Variants in HMBOX1 observed in about 807,000 individuals in gnomAD.
HMBOX1 encodes the protein homeobox containing 1, also known as homeobox-containing protein 1.
HMBOX1 carries 14 observed loss-of-function variants against 54.5 expected under a neutral mutation model. That is an observed-to-expected ratio of 0.26 (90% confidence interval 0.17 to 0.40). The LOEUF (loss-of-function observed/expected upper bound fraction) is 0.40, where lower values mean the gene tolerates loss of function less well. HMBOX1 is among the 10% of genes least tolerant of loss of function. HMBOX1 has a pLI of 1.00. For missense variants in HMBOX1, 332 were observed against 514.4 expected, an observed-to-expected ratio of 0.65 and a Z score of 3.43; for synonymous variants, 160 against 181.0, an observed-to-expected ratio of 0.88 and a Z score of 0.93.
intron 5 of HMBOX1, among the ~76,000 whole-genome samples, chr8:29,014,554 T>C (rs1441034026): frequency 6.6e-6 from 1 of 152,180 alleles, no homozygotes; most frequent in African/African-American, 2.4e-5. Flanking sequence ...TACTGCTACA[T>C]TGAAAAAGAA....
intron 6 of HMBOX1, among the ~76,000 whole-genome samples, chr8:29,035,838 A>G (rs1303797554): frequency 6.6e-6 from 1 of 152,240 alleles, no homozygotes. Flanking sequence ...GTTTTTCTTT[A>G]AGTTGGTTCG....
chr8:29,000,676 G>C (rs1832511419), intron 4 of HMBOX1, among the ~76,000 whole-genome samples: 1 of 152,216 alleles, frequency 6.6e-6, no homozygotes, highest in Non-Finnish European at 1.5e-5. Context: ...AAGATTTCCA[G>C]GTAATTGCCA....
rs117907170 is a variant in HMBOX1 at position 28,920,611 on chromosome 8, A to T, written c.-58+29933A>T. 4.6e-3 allele frequency among the ~76,000 whole-genome samples: 704 copies of T among 152,322 alleles called. 5 individuals are homozygous for T. Among genetic ancestry groups the T allele is most frequent in the African/African-American group, 0.016 (655 of 41,568 alleles). ...ATTAATGGGCATTTATTGAGTACCTACCATGCTGGAGACTGTGGCTAGGTT... is the reference window on the plus strand; with the variant it reads ...ATTAATGGGCATTTATTGAGTACCTTCCATGCTGGAGACTGTGGCTAGGTT... On this transcript the variant is annotated intron_variant, in intron 1 of 9. Coordinates refer to ENST00000287701, the MANE Select transcript of HMBOX1 (RefSeq NM_001135726.3).
intron 6 of HMBOX1, among the ~76,000 whole-genome samples, chr8:29,022,144 G>A (rs1225472570): frequency 6.6e-6 from 1 of 152,202 alleles, no homozygotes; most frequent in Non-Finnish European, 1.5e-5. Flanking sequence ...CTTAGGGCCA[G>A]TGGGTCACAC....
intron 2 of HMBOX1, among the ~76,000 whole-genome samples, chr8:28,964,819 A>C (rs1284314673): frequency 6.9e-6 from 1 of 145,318 alleles, no homozygotes; most frequent in Non-Finnish European, 1.5e-5. Context: ...CTAAGTAGCT[A>C]TATCCTTGGG....
chr8:29,027,277 A>G (rs1471580853), intron 6 of HMBOX1, among the ~76,000 whole-genome samples: 1 of 152,196 alleles, frequency 6.6e-6, no homozygotes, highest in African/African-American at 2.4e-5. Context: ...CATTCATTCA[A>G]TGAAGTACTT....
intron 6 of HMBOX1, among the ~76,000 whole-genome samples, chr8:29,032,820 T>A (rs1004257484): frequency 2.0e-5 from 3 of 152,176 alleles, no homozygotes; most frequent in African/African-American, 7.2e-5. Flanking sequence ...ATTACCACCC[T>A]CTTTCCCCCA....
At chr8:28,993,722 C>T (rs1040329385) in intron 4 of HMBOX1, among the ~76,000 whole-genome samples, 3 of 152,020 alleles carry the variant, frequency 2.0e-5, no homozygotes, top group Non-Finnish European at 2.9e-5. Flanking sequence ...TAATCTGTAC[C>T]GGCCAGATTC....
chr8:29,016,880 A>C (rs1408983158), intron 5 of HMBOX1, among the ~76,000 whole-genome samples: 1 of 152,192 alleles, frequency 6.6e-6, no homozygotes, highest in African/African-American at 2.4e-5. Flanking sequence ...GAAGTGACAT[A>C]CCATCACTGC....
In HMBOX1 at chr8:29,016,995, A is replaced by C. The variant is rs76605773; in HGVS notation, c.698-1765A>C. ...GGATCCTTAGGGACCTTGGAGGTTG[A>C]TGTCCACATTCCTGTGCTGGGACTG... On this transcript the variant is annotated intron_variant, in intron 5 of 9. Transcript: ENST00000287701. 6.8e-3 allele frequency among the ~76,000 whole-genome samples: 1,029 copies of C among 152,290 alleles called. 14 individuals are homozygous for C. The highest frequency in any genetic ancestry group is 0.055 in the East Asian group (285 of 5,170).
intron 4 of HMBOX1, among the ~76,000 whole-genome samples, chr8:28,996,487 C>T (rs913511905): frequency 2.6e-5 from 4 of 152,116 alleles, no homozygotes; most frequent in Admixed American, 1.3e-4. Context: ...GGTGTGGTGG[C>T]GCATGTCTGT....
Position 29,009,152 on chromosome 8 carries a change from C to A in HMBOX1, c.667C>A (p.Arg223=). The part of the protein sequence containing the change: ...LSEQKKRAFY[R]WYQLEKTNPG... ...TGAACAGAAGAAAAGAGCATTTTACCGATGGTATCAACTTGAGAAGACAAA... is the reference window on the plus strand; with the variant it reads ...TGAACAGAAGAAAAGAGCATTTTACAGATGGTATCAACTTGAGAAGACAAA... The change falls in exon 5 of 10, where the codon CGA becomes AGA. Residue 223 remains arginine, a synonymous_variant. Coordinates refer to ENST00000287701, the MANE Select transcript of HMBOX1 (RefSeq NM_001135726.3). 1.2e-6 allele frequency: 2 copies of A among 1,613,140 alleles called. No individual in the cohort carries two copies. Among genetic ancestry groups the A allele is most frequent in the South Asian group, 2.2e-5 (2 of 91,052 alleles).
chr8:28,989,047 C>A (rs545952374), intron 4 of HMBOX1, among the ~76,000 whole-genome samples: 1 of 152,074 alleles, frequency 6.6e-6, no homozygotes, highest in Admixed American at 6.5e-5. Context: ...CCGAGGCGGG[C>A]GAATCACAGG....
chr8:28,909,605 T>C (rs1466709939), intron 1 of HMBOX1, among the ~76,000 whole-genome samples: 1 of 152,066 alleles, frequency 6.6e-6, no homozygotes, highest in East Asian at 1.9e-4. Flanking sequence ...AGCTGAAGAG[T>C]TGTCTTTCAC....
intron 5 of HMBOX1, chr8:29,009,657 G>A (rs1314698479): frequency 7.8e-7 from 1 of 1,277,434 alleles, no homozygotes; most frequent in African/African-American, 1.5e-5. Flanking sequence ...TAATGACCTG[G>A]GTAATGGATG....
chr8:28,931,049 C>T (rs1411806662), intron 1 of HMBOX1, among the ~76,000 whole-genome samples: 1 of 152,108 alleles, frequency 6.6e-6, no homozygotes, highest in Non-Finnish European at 1.5e-5. Context: ...CCTTTCTCCT[C>T]AACTCTCTTT....
At chr8:28,954,552 C>T (rs916449512) in intron 1 of HMBOX1, among the ~76,000 whole-genome samples, 1 of 152,110 alleles carries the variant, frequency 6.6e-6, no homozygotes, top group African/African-American at 2.4e-5. Flanking sequence ...CAGATCTATG[C>T]CAAGCTGTAC....
chr8:28,998,115 G>A (rs1832130275), intron 4 of HMBOX1, among the ~76,000 whole-genome samples: 1 of 151,962 alleles, frequency 6.6e-6, no homozygotes, highest in South Asian at 2.1e-4. Context: ...AGATTTTCTG[G>A]GCCTTGAGTC....
intron 1 of HMBOX1, among the ~76,000 whole-genome samples, chr8:28,922,329 G>A (rs1055942441): frequency 6.6e-6 from 1 of 152,196 alleles, no homozygotes; most frequent in Non-Finnish European, 1.5e-5. Flanking sequence ...AGGGATTTGA[G>A]CATCCATGGA....
Sources: allele counts gnomAD v4.1 joint callset (sites outside exome capture counted in the v4.1 genomes callset), GRCh38; gene constraint gnomAD v4.1.1; transcripts MANE v1.5; gene names NCBI Gene and HGNC (gene_info 2026-07-23, HGNC 2026-07-21).